Variants in RALGPS1 observed in about 807,000 individuals in gnomAD.
The protein encoded by RALGPS1 is Ral GEF with PH domain and SH3 binding motif 1, also known as ras-specific guanine nucleotide-releasing factor RalGPS1.
In RALGPS1, 19 loss-of-function variants were observed where a neutral mutation model predicts 78.8. The ratio of observed to expected loss-of-function variants is 0.24; its 90% CI spans 0.17 to 0.35. The LOEUF (loss-of-function observed/expected upper bound fraction) is 0.35. RALGPS1 is among the 10% of genes least tolerant of loss of function. The probability of loss-of-function intolerance (pLI) is 1.00; values close to 1 mark genes in which losing one functional copy is unlikely to be tolerated. For missense variants in RALGPS1, 454 were observed against 688.3 expected, an observed-to-expected ratio of 0.66 and a Z score of 3.81; for synonymous variants, 228 against 256.3, an observed-to-expected ratio of 0.89 and a Z score of 1.06.
chr9:127,131,869 C>T (rs1031623792), intron 8 of RALGPS1, among the ~76,000 whole-genome samples: 10 of 152,196 alleles, frequency 6.6e-5, no homozygotes, highest in African/African-American at 1.7e-4. Flanking sequence ...CAGTGGTTCT[C>T]GAGCTTTTGC....
At chr9:126,984,752 C>T (rs1462933994) in intron 4 of RALGPS1, among the ~76,000 whole-genome samples, 1 of 152,148 alleles carries the variant, frequency 6.6e-6, no homozygotes, top group East Asian at 1.9e-4. Flanking sequence ...GATCACTTCC[C>T]TGCTTTTTGG....
chr9:126,922,976 G>A (rs987902064), intron 1 of RALGPS1, among the ~76,000 whole-genome samples: 1 of 152,204 alleles, frequency 6.6e-6, no homozygotes, highest in Non-Finnish European at 1.5e-5. Flanking sequence ...TCCTGGTGCA[G>A]TACAGTCCCA....
At chr9:127,005,039 C>G (rs776953932) in intron 4 of RALGPS1, among the ~76,000 whole-genome samples, 1 of 152,202 alleles carries the variant, frequency 6.6e-6, no homozygotes, top group African/African-American at 2.4e-5. Context: ...CATGACTGAG[C>G]TGAGTTGTGG....
chr9:127,004,065 A>C (rs1487967984), intron 4 of RALGPS1, among the ~76,000 whole-genome samples: 2 of 152,174 alleles, frequency 1.3e-5, no homozygotes, highest in African/African-American at 2.4e-5. Flanking sequence ...TTTTATGGTT[A>C]GTATCAGTTA....
chr9:127,166,494 G>A (rs111840823), intron 9 of RALGPS1, among the ~76,000 whole-genome samples: 1,689 of 152,220 alleles, frequency 0.011, 20 homozygotes, highest in Admixed American at 0.025. Context: ...GGTCTTTCTG[G>A]CCCCTGGGTC....
At chr9:127,113,301 C>G (rs1285124655) in intron 8 of RALGPS1, among the ~76,000 whole-genome samples, 1 of 152,174 alleles carries the variant, frequency 6.6e-6, no homozygotes, top group Non-Finnish European at 1.5e-5. Flanking sequence ...AACCTGATAC[C>G]AAGGGCCATG....
At chr9:127,198,921 C>A in intron 13 of RALGPS1, 94 bp from the exon 14 acceptor site, 1 of 1,120,594 alleles carries the variant, frequency 8.9e-7, no homozygotes, top group Non-Finnish European at 1.4e-6. Context: ...TGTGGCACTT[C>A]TGTGAGCTCA....
At chr9:127,073,957 C>T (rs2050452425) in intron 8 of RALGPS1, among the ~76,000 whole-genome samples, 1 of 152,206 alleles carries the variant, frequency 6.6e-6, no homozygotes, top group Non-Finnish European at 1.5e-5. Flanking sequence ...TCTCGGCTCA[C>T]TGCAACCTCT....
intron 11 of RALGPS1, among the ~76,000 whole-genome samples, chr9:127,181,325 A>T (rs1251798472): frequency 6.6e-6 from 1 of 152,248 alleles, no homozygotes; most frequent in Non-Finnish European, 1.5e-5. Flanking sequence ...AGTGCTTGTC[A>T]TGTGCTCACT....
intron 4 of RALGPS1, among the ~76,000 whole-genome samples, chr9:126,992,325 T>C (rs1042243165): frequency 6.6e-6 from 1 of 152,236 alleles, no homozygotes. Flanking sequence ...TATGTATGTA[T>C]CTGTAAAACC....
In RALGPS1 at chr9:127,205,275, G is replaced by T. The variant is rs757024101; in HGVS notation, c.1247+6209G>T. 6.6e-6 allele frequency among the ~76,000 whole-genome samples: 1 copy of T among 152,316 alleles called. No homozygotes were observed. The highest frequency in any genetic ancestry group is 1.5e-5 in the Non-Finnish European group (1 of 68,032). On this transcript the variant is annotated intron_variant, in intron 14 of 18. Transcript: ENST00000259351. This position sits in a 1 kb window ranked among gnomAD's most constrained non-coding sequence, Gnocchi z 4.0. ...TTCAGGTCCCAGGCCCCCCGTCGAG[G>T]GATCACTAGGGTTCTCTTCACCAAA...
At chr9:127,207,538 G>A (rs541841909) in intron 14 of RALGPS1, among the ~76,000 whole-genome samples, 2 of 152,312 alleles carry the variant, frequency 1.3e-5, no homozygotes, top group Admixed American at 1.3e-4. Flanking sequence ...TGATTTCTGG[G>A]GTTCCTCTGA....
intron 8 of RALGPS1, among the ~76,000 whole-genome samples, chr9:127,097,230 C>T (rs1018834100): frequency 8.6e-5 from 13 of 152,018 alleles, no homozygotes; most frequent in Admixed American, 1.3e-4. Flanking sequence ...CATTTTTCAA[C>T]GATTGTAGTG....
chr9:127,047,284 C>G (rs192854259), intron 5 of RALGPS1, among the ~76,000 whole-genome samples: 1 of 152,264 alleles, frequency 6.6e-6, no homozygotes, highest in Admixed American at 6.5e-5. Context: ...TGATACTTCT[C>G]TATGATGAAA....
In RALGPS1 at chr9:127,218,515, A is replaced by G. The variant is rs185513319; in HGVS notation, c.1645-225A>G. Reference sequence around the variant, plus strand: ...TCCCAGTGCCTGCCCCAGGGGTTGAAGTGAGGACTCAAGAACGCAGTGCAT... The same window carrying G: ...TCCCAGTGCCTGCCCCAGGGGTTGAGGTGAGGACTCAAGAACGCAGTGCAT... On this transcript the variant is annotated intron_variant, in intron 18 of 18. Coordinates refer to ENST00000259351, the MANE Select transcript of RALGPS1 (RefSeq NM_014636.3). This position sits in a 1 kb window ranked among gnomAD's most constrained non-coding sequence, Gnocchi z 4.4. Among the ~76,000 whole-genome samples, 1 of 152,288 alleles carries G rather than the reference A, an allele frequency of 6.6e-6. No homozygotes were observed. Among genetic ancestry groups the G allele is most frequent in the East Asian group, 1.9e-4 (1 of 5,180 alleles).
chr9:126,977,150 CAGTT>C (rs1458731168), intron 3 of RALGPS1, among the ~76,000 whole-genome samples: 1 of 152,186 alleles, frequency 6.6e-6, no homozygotes, highest in African/African-American at 2.4e-5. Context: ...GTGGAATAAA[CAGTT>C]TGTTGTCCCG....
At chr9:127,019,261 C>CTG (rs1451288491) in intron 4 of RALGPS1, among the ~76,000 whole-genome samples, 1 of 152,162 alleles carries the variant, frequency 6.6e-6, no homozygotes, top group East Asian at 1.9e-4. Flanking sequence ...ATGAGAAAGG[C>CTG]TGTAGCACCT....
At chr9:126,967,331 CT>C (rs1349212191) in intron 3 of RALGPS1, among the ~76,000 whole-genome samples, 5 of 149,478 alleles carry the variant, frequency 3.3e-5, no homozygotes, top group African/African-American at 1.3e-4. Flanking sequence ...CCCACTGTCT[CT>C]TTCTTCCCCA....
intron 11 of RALGPS1, chr9:127,178,132 G>A: frequency 1.2e-6 from 1 of 844,630 alleles, no homozygotes; most frequent in East Asian, 3.6e-5. Context: ...GAGGATGATT[G>A]GCTGTGCAGG....
Sources: allele counts gnomAD v4.1 joint callset (sites outside exome capture counted in the v4.1 genomes callset), GRCh38; gene constraint gnomAD v4.1.1; non-coding constraint Gnocchi (gnomAD v3.1); transcripts MANE v1.5; gene names NCBI Gene and HGNC (gene_info 2026-07-23, HGNC 2026-07-21).